Variants in SULF2 observed in about 807,000 individuals in gnomAD.
SULF2 encodes the protein extracellular sulfatase Sulf-2.
A neutral mutation model predicts 107.7 loss-of-function variants in SULF2; 52 were observed. The observed-to-expected ratio is 0.48, with a 90% CI of 0.39 to 0.61. The LOEUF is 0.61. SULF2 is among the 20% of genes least tolerant of loss of function. The pLI is 0.00. For missense variants in SULF2, 993 were observed against 1,177.3 expected (o/e 0.84, Z 2.29); for synonymous variants, 460 against 464.3 (o/e 0.99, Z 0.12).
chr20:47,784,450 C>T (rs545109285), intron 1 of SULF2, among the ~76,000 whole-genome samples: 1 of 152,142 alleles, frequency 6.6e-6, no homozygotes, highest in South Asian at 2.1e-4. Context: ...GCTCTTCCTA[C>T]TGTGTGCTGG....
At chr20:47,772,244 G>A (rs1022717459) in intron 1 of SULF2, among the ~76,000 whole-genome samples, 1 of 152,216 alleles carries the variant, frequency 6.6e-6, no homozygotes, top group African/African-American at 2.4e-5. Context: ...TTACTGCCGC[G>A]TGGGCAGGAT....
chr20:47,769,163 C>T (rs1011141625), intron 1 of SULF2, among the ~76,000 whole-genome samples: 1 of 152,104 alleles, frequency 6.6e-6, no homozygotes, highest in Non-Finnish European at 1.5e-5. Flanking sequence ...GCCTCCGCCT[C>T]CTGAGTAGCT....
At chr20:47,721,513 C>A (rs952232905) in intron 3 of SULF2, among the ~76,000 whole-genome samples, 6 of 152,130 alleles carry the variant, frequency 3.9e-5, no homozygotes, top group African/African-American at 1.4e-4. Flanking sequence ...GGACTACAGG[C>A]ATGCGCTACC....
intron 14 of SULF2, among the ~76,000 whole-genome samples, chr20:47,664,798 C>A (rs1268846990): frequency 6.6e-6 from 1 of 152,236 alleles, no homozygotes; most frequent in Non-Finnish European, 1.5e-5. Flanking sequence ...GCAGATATAG[C>A]CCATTTCCGT....
At chr20:47,764,087 C>T (rs1021501488) in intron 1 of SULF2, among the ~76,000 whole-genome samples, 31 of 152,332 alleles carry the variant, frequency 2.0e-4, no homozygotes, top group Middle Eastern at 3.4e-3. Context: ...ACTTGCTGCT[C>T]CCTCTGCCTG....
chr20:47,781,894 T>C (rs78717778), intron 1 of SULF2, among the ~76,000 whole-genome samples: 1,932 of 152,232 alleles, frequency 0.013, 51 homozygotes, highest in African/African-American at 0.043. Context: ...ATCAGCCTCA[T>C]GGAAGGCAGA....
chr20:47,730,519 C>A (rs529271124), intron 3 of SULF2, among the ~76,000 whole-genome samples: 2 of 152,126 alleles, frequency 1.3e-5, no homozygotes, highest in Non-Finnish European at 2.9e-5. Flanking sequence ...GGTGCAATCT[C>A]GGCTCACTGC....
intron 1 of SULF2, among the ~76,000 whole-genome samples, chr20:47,764,559 A>C (rs1290553906): frequency 6.6e-6 from 1 of 152,182 alleles, no homozygotes; most frequent in African/African-American, 2.4e-5. Context: ...ATGTGACCCA[A>C]GTCTGGCCAA....
rs765893901 is a variant in SULF2, at chr20:47,757,295, C to T, written c.69G>A (p.Ser23=). ...TCAGGCGGTGGTGCGACAGGAAGGC[C>T]GAGCTTCCACCCAGCAGGGAGAACA... ...ATVFSLLGGS[S]AFLSHHRLKG... The change falls in exon 2 of 21, where the codon TCG becomes TCA. Residue 23 remains serine, a synonymous_variant. Coordinates refer to ENST00000688720, the MANE Select transcript of SULF2 (RefSeq NM_001387048.1). 22 of 1,595,794 alleles carry T rather than the reference C, an allele frequency of 1.4e-5. No individual in the cohort carries two copies. The Admixed American group carries it at 1.4e-4, about 10-fold the overall frequency.
At chr20:47,664,069 G>A (rs932386576) in intron 15 of SULF2, 61 bp downstream of exon 15, 2 of 1,556,752 alleles carry the variant, frequency 1.3e-6, no homozygotes, top group East Asian at 2.2e-5. Flanking sequence ...TAGCTTAAGG[G>A]AGGGCCACCT....
At chr20:47,777,815 C>T (rs186493486) in intron 1 of SULF2, among the ~76,000 whole-genome samples, 27 of 152,214 alleles carry the variant, frequency 1.8e-4, no homozygotes, top group African/African-American at 6.3e-4. Flanking sequence ...AGGAACATCT[C>T]CAAGGCTTCT....
intron 1 of SULF2, among the ~76,000 whole-genome samples, chr20:47,779,980 T>G (rs902445999): frequency 1.3e-5 from 2 of 149,544 alleles, no homozygotes; most frequent in South Asian, 4.3e-4. Flanking sequence ...TGACGTGCCC[T>G]CCCCCACTTA....
At chr20:47,714,171 G>A (rs772785650) in intron 3 of SULF2, among the ~76,000 whole-genome samples, 6 of 152,320 alleles carry the variant, frequency 3.9e-5, no homozygotes, top group South Asian at 2.1e-4. Flanking sequence ...AAAACAAAAC[G>A]GGGTCTTTGC....
At chr20:47,713,448 C>G (rs1485863545) in intron 3 of SULF2, among the ~76,000 whole-genome samples, 2 of 152,102 alleles carry the variant, frequency 1.3e-5, no homozygotes, top group African/African-American at 4.8e-5. Context: ...CCATTAACGA[C>G]AGGGTTGCAG....
chr20:47,702,729 A>G, intron 3 of SULF2, 59 bp from the exon 4 acceptor site: 2 of 1,572,600 alleles, frequency 1.3e-6, no homozygotes, highest in Non-Finnish European at 1.7e-6. Flanking sequence ...TGTTTATTAA[A>G]CTATTGTGTG....
rs773255897 is a variant in SULF2 at position 47,684,445 on chromosome 20, C to T, written c.874G>A (p.Asp292Asn). ...CGGGCGCCTACCGTCTCCATGGAGT[C>T]GTCCACCGACATGAGGGTCTGCAAG... Reference protein sequence around the residue: ...KRLQTLMSVDDSMETIYNMLV... With the variant: ...KRLQTLMSVDNSMETIYNMLV... Residue 292 changes from aspartate (D) to asparagine (N), a missense_variant, in exon 6 of 21, where the codon GAC becomes AAC. By Grantham distance (23) the Asp-to-Asn change is conservative. Around this residue, in one of 3 missense-constraint regions of SULF2, gnomAD observed 388 missense variants for 449.2 expected, o/e 0.86. Coordinates refer to ENST00000688720, the MANE Select transcript of SULF2 (RefSeq NM_001387048.1). The T allele has an allele frequency of 1.2e-4, 199 of 1,611,478 alleles. No individual in the cohort carries two copies. The highest frequency in any genetic ancestry group is 1.5e-4 in the Non-Finnish European group (172 of 1,178,830).
chr20:47,665,711 C>G lies in SULF2; in HGVS notation c.1902+146G>C. ...GTCTCATGCTGGGACTGACACCTAT[C>G]CCCGCGTTGAGGAATCTGTGGGGAC... On this transcript the variant is annotated intron_variant, in intron 13 of 20. Transcript: ENST00000688720. 4.5e-6 allele frequency: 3 copies of G among 663,932 alleles called. No homozygotes were observed. In the South Asian group the frequency reaches 5.4e-5, roughly 12 times the overall value. The allele number at this position is 663,932 out of a possible 1,614,324, so 41.1% of individuals were successfully genotyped here. A position where few individuals can be genotyped will look rare whatever the true frequency, so the allele number is the denominator to read the frequency against.
chr20:47,758,434 G>A (rs2090345735), intron 1 of SULF2, among the ~76,000 whole-genome samples: 1 of 152,180 alleles, frequency 6.6e-6, no homozygotes, highest in African/African-American at 2.4e-5. Flanking sequence ...GCCTCCCAAA[G>A]TGCTGGGGTT....
At chr20:47,741,003 G>A (rs2089865195) in intron 2 of SULF2, among the ~76,000 whole-genome samples, 1 of 152,060 alleles carries the variant, frequency 6.6e-6, no homozygotes, top group Non-Finnish European at 1.5e-5. Flanking sequence ...AAAGCCTGTT[G>A]CCCTCTCTTC....
Sources: gnomAD v4.1 joint callset for allele counts (sites outside exome capture counted in the v4.1 genomes callset) on GRCh38, gnomAD v4.1.1 for gene constraint, gnomAD v4.1.1 regional missense constraint, MANE v1.5 for transcripts, NCBI Gene and HGNC (gene_info 2026-07-23, HGNC 2026-07-21) for gene names.